Variants in GRIN2A observed in about 807,000 individuals in gnomAD.
The protein encoded by GRIN2A is glutamate ionotropic receptor NMDA type subunit 2A, also known as glutamate receptor ionotropic, NMDA 2A.
In GRIN2A, 22 loss-of-function variants were observed where a neutral mutation model predicts 113.4. That is an observed-to-expected ratio of 0.19 (90% CI 0.14 to 0.28). The LOEUF (loss-of-function observed/expected upper bound fraction) is 0.28, where lower values mean the gene tolerates loss of function less well. Among genes scored for constraint, GRIN2A ranks in the 10% least tolerant of loss-of-function variants. The pLI is 1.00. For synonymous variants in GRIN2A, 827 were observed against 738.4 expected, an observed-to-expected ratio of 1.12 and a Z score of -1.94; for missense variants, 1,502 against 1,887.0, an observed-to-expected ratio of 0.80 and a Z score of 3.78.
chr16:9,768,341 C>T (rs765190502), intron 12 of GRIN2A, among the ~76,000 whole-genome samples: 6 of 152,128 alleles, frequency 3.9e-5, no homozygotes, highest in Admixed American at 6.5e-5. Context: ...CATGAGCCAC[C>T]GTGCCCGGCC....
At position 9,852,827 on chromosome 16, in the gene GRIN2A, TAGACAGGTTTAGC is replaced by T. The variant is rs2042908627; in HGVS notation, c.1123-2879_1123-2867del. Among the ~76,000 whole-genome samples the T allele has an allele frequency of 2.0e-5, 3 of 152,224 alleles. No individual in the cohort carries two copies. In the South Asian group the frequency reaches 6.2e-4, roughly 31 times the overall value. ...GGACTATAACTGAGGCCAGTGTTTG[TAGACAGGTTTAGC>T]AGAGTCATTCATTCCATAAATATGT... On this transcript the variant is annotated intron_variant, in intron 4 of 12. Transcript: ENST00000330684.
At chr16:9,984,324 T>C (rs2045942762) in intron 2 of GRIN2A, among the ~76,000 whole-genome samples, 1 of 152,200 alleles carries the variant, frequency 6.6e-6, no homozygotes, top group Non-Finnish European at 1.5e-5. Flanking sequence ...CTGCAGGTTG[T>C]CTCTTCACTC....
intron 2 of GRIN2A, among the ~76,000 whole-genome samples, chr16:10,173,236 G>A (rs551133079): frequency 6.6e-6 from 1 of 152,328 alleles, no homozygotes; most frequent in South Asian, 2.1e-4. Flanking sequence ...GGAGCTGAGT[G>A]GGCTCCACCA....
In GRIN2A at chr16:9,764,484, G is replaced by A; in HGVS notation, c.3060C>T (p.Ser1020=). 6.2e-7 allele frequency: 1 copy of A among 1,614,126 alleles called. No individual in the cohort carries two copies. Reference sequence around the variant, plus strand: ...TCTGGGATAGTGAATCCTGGCGTATGGAATCCACGGATTTCTTCCACAGCT... The same window carrying A: ...TCTGGGATAGTGAATCCTGGCGTATAGAATCCACGGATTTCTTCCACAGCT... ...PRQLWKKSVD[S]IRQDSLSQNP... The change falls in exon 13 of 13, where the codon TCC becomes TCT. Residue 1020 remains serine (S), a synonymous_variant. Transcript: ENST00000330684.
At chr16:10,068,383 G>A (rs768629281) in intron 2 of GRIN2A, among the ~76,000 whole-genome samples, 1 of 152,194 alleles carries the variant, frequency 6.6e-6, no homozygotes, top group South Asian at 2.1e-4. Flanking sequence ...CCTGGCTTCT[G>A]GGGAGGCCTC....
chr16:9,793,051 G>A (rs1370819277), intron 11 of GRIN2A, among the ~76,000 whole-genome samples: 5 of 152,278 alleles, frequency 3.3e-5, no homozygotes, highest in Admixed American at 6.5e-5. Context: ...AGATCCTCAC[G>A]TGATTCTTGC....
At chr16:10,098,437 G>C (rs1020700880) in intron 2 of GRIN2A, among the ~76,000 whole-genome samples, 1 of 152,222 alleles carries the variant, frequency 6.6e-6, no homozygotes, top group African/African-American at 2.4e-5. Context: ...ATTTGGCACA[G>C]CAATCCCACT....
intron 2 of GRIN2A, among the ~76,000 whole-genome samples, chr16:10,155,844 G>C (rs2049681872): frequency 6.6e-6 from 1 of 152,080 alleles, no homozygotes; most frequent in Non-Finnish European, 1.5e-5. Context: ...AAACAGCACG[G>C]GAAAGACCTG....
chr16:9,914,794 T>C lies in GRIN2A; in HGVS notation c.1007+23165A>G, dbSNP rs1489796427. ...GCCACAAAGAGACTCAACTGAAAGC[T>C]GAAGCATTGTGCTACAAGACAGCTA... On this transcript the variant is annotated intron_variant, in intron 3 of 12. Transcript: ENST00000330684. 7.3e-5 allele frequency among the ~76,000 whole-genome samples: 11 copies of C among 150,854 alleles called. No individual in the cohort carries two copies. The East Asian group carries it at 2.2e-3, about 30-fold the overall frequency.
chr16:9,859,885 C>T (rs1456548816), intron 4 of GRIN2A, among the ~76,000 whole-genome samples: 2 of 152,084 alleles, frequency 1.3e-5, no homozygotes, highest in African/African-American at 4.8e-5. Flanking sequence ...AACACACTTT[C>T]CCCTCACTTG....
Position 9,763,749 on chromosome 16 carries a change from C to A in GRIN2A, c.3795G>T (p.Gln1265His), listed in dbSNP as rs147556384. ...TCTGTGCCCAGTCCTGCTGGTAGAC[C>A]TGCTCCCCGGTGGCTGGGTTACCTG... ...QETGNPATGEQVYQQDWAQNN... is the reference protein window; with the variant it reads ...QETGNPATGEHVYQQDWAQNN... Residue 1265 changes from glutamine to histidine, a missense_variant, in exon 13 of 13, where the codon CAG (glutamine) becomes CAT (histidine). Physicochemically the swap from Gln to His is conservative, Grantham distance 24. Coordinates refer to ENST00000330684, the MANE Select transcript of GRIN2A (RefSeq NM_001134407.3). The A allele has an allele frequency of 2.8e-5, 45 of 1,614,038 alleles. No individual in the cohort carries two copies. Among genetic ancestry groups the A allele is most frequent in the African/African-American group, 1.7e-4 (13 of 74,906 alleles).
chr16:10,000,066 T>G (rs999500399), intron 2 of GRIN2A, among the ~76,000 whole-genome samples: 6 of 152,106 alleles, frequency 3.9e-5, no homozygotes, highest in African/African-American at 1.4e-4. Flanking sequence ...ACCTTCACTA[T>G]ACATCTCCTC....
chr16:10,072,952 T>TCCCC (rs2047788229), intron 2 of GRIN2A, among the ~76,000 whole-genome samples: 1 of 135,866 alleles, frequency 7.4e-6, no homozygotes, highest in Non-Finnish European at 1.6e-5. Context: ...CCCCCTTTTT[T>TCCCC]TTTTTTTTTT....
chr16:9,919,037 G>C (rs1484620811), intron 3 of GRIN2A, among the ~76,000 whole-genome samples: 2 of 152,076 alleles, frequency 1.3e-5, no homozygotes, highest in African/African-American at 4.8e-5. Context: ...GCCAGGCGTG[G>C]TGGTGTGCGC....
intron 2 of GRIN2A, among the ~76,000 whole-genome samples, chr16:9,996,672 G>GT (rs1247266797): frequency 6.6e-6 from 1 of 152,124 alleles, no homozygotes; most frequent in Non-Finnish European, 1.5e-5. Flanking sequence ...TTTTTATGGA[G>GT]TTTCTGTCTT....
chr16:9,914,929 T>G (rs1207507097), intron 3 of GRIN2A, among the ~76,000 whole-genome samples: 5 of 91,538 alleles, frequency 5.5e-5, no homozygotes, highest in African/African-American at 2.4e-4. Flanking sequence ...TTTTTTTTTT[T>G]TTTTTTTTTT....
rs999523910 is a variant in GRIN2A, at chr16:9,764,040, G to C, written c.3504C>G (p.Asn1168Lys). ...FRKGDSTLPM[N>K]RNPLHNEEGL... Reference sequence around the variant, plus strand: ...CCTCTTCATTATGCAAGGGGTTCCGGTTCATTGGCAGCGTGGAGTCCCCCT... The same window carrying C: ...CCTCTTCATTATGCAAGGGGTTCCGCTTCATTGGCAGCGTGGAGTCCCCCT... Residue 1168 changes from asparagine to lysine, a missense_variant, in exon 13 of 13, where the codon AAC (asparagine) becomes AAG (lysine). Transcript: ENST00000330684. The C allele has an allele frequency of 1.9e-6, 3 of 1,613,902 alleles. No individual in the cohort carries two copies. The highest frequency in any genetic ancestry group is 2.5e-6 in the Non-Finnish European group (3 of 1,179,896).
In GRIN2A at chr16:9,999,640, G is replaced by C. The variant is rs1009087443; in HGVS notation, c.415-61089C>G. On this transcript the variant is annotated intron_variant, in intron 2 of 12. Transcript: ENST00000330684. Reference sequence around the variant, plus strand: ...AGCATTAGGAGAAACACCTAATGTAGGTGACAGGTTGATGAGCGCAGCAGA... The same window carrying C: ...AGCATTAGGAGAAACACCTAATGTACGTGACAGGTTGATGAGCGCAGCAGA... Among the ~76,000 whole-genome samples the C allele has an allele frequency of 2.6e-3, 394 of 152,166 alleles. 3 individuals carry two copies. The highest frequency in any genetic ancestry group is 9.2e-3 in the African/African-American group (381 of 41,528).
At chr16:10,102,721 G>A (rs559731912) in intron 2 of GRIN2A, among the ~76,000 whole-genome samples, 36 of 152,084 alleles carry the variant, frequency 2.4e-4, no homozygotes, top group African/African-American at 8.7e-4. Flanking sequence ...TGCCTTGGGT[G>A]TTTCTTTATA....
Sources: gnomAD v4.1 joint callset for allele counts (sites outside exome capture counted in the v4.1 genomes callset) on GRCh38, gnomAD v4.1.1 for gene constraint, MANE v1.5 for transcripts, NCBI Gene and HGNC (gene_info 2026-07-23, HGNC 2026-07-21) for gene names.